Variants in WASHC2A observed in about 807,000 individuals in gnomAD.
WASHC2A encodes the protein WASH complex subunit FAM21A.
Under a neutral mutation model 140.3 loss-of-function variants are expected in WASHC2A, and 82 were observed. The ratio of observed to expected loss-of-function variants is 0.58; its 90% CI spans 0.49 to 0.70. The LOEUF (loss-of-function observed/expected upper bound fraction) is 0.70, where lower values mean the gene tolerates loss of function less well. WASHC2A is among the 30% of genes least tolerant of loss of function. The pLI is 0.00. For missense variants in WASHC2A, 985 were observed against 1,521.8 expected (o/e 0.65, Z 5.87); for synonymous variants, 340 against 560.8 (o/e 0.61, Z 5.56).
Position 50,073,069 on chromosome 10 carries a change from G to A in WASHC2A, c.291+3358G>A, listed in dbSNP as rs1327327472. 3.3e-5 allele frequency among the ~76,000 whole-genome samples: 5 copies of A among 152,138 alleles called. No homozygotes were observed. The East Asian group carries it at 5.8e-4, about 18-fold the overall frequency. On this transcript the variant is annotated intron_variant, in intron 3 of 30. Coordinates refer to ENST00000282633, the MANE Select transcript of WASHC2A (RefSeq NM_001005751.3). The stretch of plus-strand genomic sequence containing the variant: ...TTAGTAAAGGCTCAAGAGGGGACTT[G>A]GAGGGAGAAGAAATACTAATTAACA...
Position 50,084,164 on chromosome 10 carries a change from A to G in WASHC2A, c.621A>G (p.Glu207=). Residue 207 remains glutamate (E), a splice_region_variant and synonymous_variant, in exon 6 of 31, where the codon GAA becomes GAG. Coordinates refer to ENST00000282633, the MANE Select transcript of WASHC2A (RefSeq NM_001005751.3). ...TAGGTCTTGGAGAGCTGTCCAGTGA[A>G]GGTACTTTTCTTCACCAAATAATTT... ...EDVGLGELSS[E]EGSVGSDRGS... 1 of 1,611,276 alleles carries G rather than the reference A, an allele frequency of 6.2e-7. No homozygotes were observed. The highest frequency in any genetic ancestry group is 1.7e-5 in the Admixed American group (1 of 59,968).
At chr10:50,087,587 G>A (rs1174495767) in intron 8 of WASHC2A, among the ~76,000 whole-genome samples, 4 of 152,138 alleles carry the variant, frequency 2.6e-5, no homozygotes, top group Admixed American at 2.6e-4. Context: ...TCTAAAAGAA[G>A]ACTCAGTTAC....
Position 50,094,286 on chromosome 10 carries a change from T to C in WASHC2A, c.1180+369T>C, listed in dbSNP as rs1589202659. Among the ~76,000 whole-genome samples the C allele has an allele frequency of 2.0e-5, 3 of 149,208 alleles. No individual in the cohort carries two copies. In the Middle Eastern group the frequency reaches 0.01, roughly 508 times the overall value. On this transcript the variant is annotated intron_variant, in intron 13 of 30. Transcript: ENST00000282633. ...CAGTAATTCCCCAACCCAGTGTGCA[T>C]TAAAATCATCTGTGCAGGTTTTTTT...
At chr10:50,124,568 C>T (rs1314954417) in intron 23 of WASHC2A, among the ~76,000 whole-genome samples, 2 of 152,110 alleles carry the variant, frequency 1.3e-5, no homozygotes, top group African/African-American at 4.8e-5. Context: ...GAAAGTAGGG[C>T]AGAAGTGATG....
intron 7 of WASHC2A, among the ~76,000 whole-genome samples, chr10:50,086,204 C>T (rs1385860440): frequency 6.6e-6 from 1 of 151,276 alleles, no homozygotes; most frequent in Non-Finnish European, 1.5e-5. Context: ...GTGCTTTTCT[C>T]TTCTGGTTGG....
At chr10:50,101,383 A>C (rs1469728403) in intron 17 of WASHC2A, among the ~76,000 whole-genome samples, 2 of 152,306 alleles carry the variant, frequency 1.3e-5, no homozygotes, top group Non-Finnish European at 2.9e-5. Context: ...TGAAATACAC[A>C]CAGCAGGAAG....
At chr10:50,097,540 A>C in intron 15 of WASHC2A, 135 bp from the exon 16 acceptor site, 1 of 701,426 alleles carries the variant, frequency 1.4e-6, no homozygotes. Flanking sequence ...TCCACTTACT[A>C]TTTCTTTATA....
chr10:50,130,775 A>T (rs1159129430), intron 29 of WASHC2A, 126 bp from the exon 30 acceptor site: 2 of 1,431,976 alleles, frequency 1.4e-6, no homozygotes, highest in Non-Finnish European at 1.9e-6. Flanking sequence ...TCCCAGGCAG[A>T]GTGGGCAGTC....
chr10:50,125,196 C>A lies in WASHC2A; in HGVS notation c.2562C>A (p.Asp854Glu). 1.2e-6 allele frequency: 2 copies of A among 1,610,356 alleles called. No homozygotes were observed. Among genetic ancestry groups the A allele is most frequent in the South Asian group, 2.2e-5 (2 of 90,852 alleles). Residue 854 changes from aspartate (D) to glutamate (E), a missense_variant, in exon 24 of 31, where the codon GAC becomes GAA. Asp to Glu is a conservative substitution (Grantham distance 45, BLOSUM62 2). Transcript: ENST00000282633. ...TTTTCAGCCACAAGCTCCAAAAGGA[C>A]AATGACCCAGATGTTGACCTTTTTG... ...ELLFSHKLQK[D>E]NDPDVDLFAG...
chr10:50,082,045 T>C (rs1554879881), intron 5 of WASHC2A, among the ~76,000 whole-genome samples: 2 of 152,138 alleles, frequency 1.3e-5, no homozygotes, highest in Admixed American at 6.5e-5. Flanking sequence ...CACTTGCTGC[T>C]TGGATTTTCA....
intron 21 of WASHC2A, among the ~76,000 whole-genome samples, chr10:50,117,675 A>G (rs1554892317): frequency 7.3e-6 from 1 of 136,666 alleles, no homozygotes; most frequent in East Asian, 2.0e-4. Context: ...GACAGACACA[A>G]GTAGACAGAT....
chr10:50,072,510 G>A (rs1302107709), intron 3 of WASHC2A, among the ~76,000 whole-genome samples: 2 of 98,468 alleles, frequency 2.0e-5, no homozygotes, highest in African/African-American at 3.6e-5. Context: ...TTTTTGAGAC[G>A]GAGTCTCACT....
intron 1 of WASHC2A, 31 bp from the exon 2 acceptor site, chr10:50,068,074 T>C (rs782324000): frequency 1.2e-6 from 2 of 1,609,122 alleles, no homozygotes; most frequent in Admixed American, 3.3e-5. Context: ...GCCCTCAGGC[T>C]CAGCTTCTCT....
chr10:50,069,761 T>A (rs1250995516), intron 3 of WASHC2A, 50 bp downstream of exon 3: 10 of 1,538,606 alleles, frequency 6.5e-6, no homozygotes, highest in Admixed American at 2.0e-5. Context: ...TAGGAGATAT[T>A]GTAATTTTAA....
chr10:50,072,309 G>A (rs1406640266), intron 3 of WASHC2A, among the ~76,000 whole-genome samples: 2 of 151,546 alleles, frequency 1.3e-5, no homozygotes, highest in African/African-American at 4.9e-5. Context: ...CTCTTCTCCG[G>A]ATGTGCTGGT....
At chr10:50,101,004 T>TA (rs1177636302) in intron 17 of WASHC2A, among the ~76,000 whole-genome samples, 96 of 152,404 alleles carry the variant, frequency 6.3e-4, no homozygotes, top group Non-Finnish European at 1.2e-3. Context: ...GGCAGAAACT[T>TA]ACATGTATTT....
At chr10:50,090,112 A>AAAAT (rs1319801098) in intron 8 of WASHC2A, among the ~76,000 whole-genome samples, 1 of 151,970 alleles carries the variant, frequency 6.6e-6, no homozygotes, top group African/African-American at 2.4e-5. Flanking sequence ...CTCCTTCTCA[A>AAAAT]AAATAAATAA....
Position 50,133,442 on chromosome 10 carries a change from A to G in WASHC2A, c.*497A>G. ...TGCCTCTGCATGTCCTCCAAGGCAAAGTTTGGCAAACTGTGGCCCCCCCAC... is the reference window on the plus strand; with the variant it reads ...TGCCTCTGCATGTCCTCCAAGGCAAGGTTTGGCAAACTGTGGCCCCCCCAC... On this transcript the variant is annotated 3_prime_UTR_variant, in exon 31 of 31. Transcript: ENST00000282633. 2 of 470,372 alleles carry G rather than the reference A, an allele frequency of 4.3e-6. No individual in the cohort carries two copies. The highest frequency in any genetic ancestry group is 4.7e-5 in the Admixed American group (2 of 42,610). The allele number at this position is 470,372 out of a possible 1,614,324, so 29.1% of individuals were successfully genotyped here. A position where few individuals can be genotyped will look rare whatever the true frequency, so the allele number is the denominator to read the frequency against.
chr10:50,127,497 T>G, intron 27 of WASHC2A, 86 bp from the exon 28 acceptor site: 2 of 1,611,998 alleles, frequency 1.2e-6, no homozygotes, highest in Non-Finnish European at 1.7e-6. Context: ...ATACATTATG[T>G]GCACCGAATC....
Sources: gnomAD v4.1 joint callset for allele counts (sites outside exome capture counted in the v4.1 genomes callset) on GRCh38, gnomAD v4.1.1 for gene constraint, MANE v1.5 for transcripts, NCBI Gene and HGNC (gene_info 2026-07-23, HGNC 2026-07-21) for gene names.